Variants in KITLG observed in about 807,000 individuals in gnomAD.
KITLG encodes KIT ligand.
In KITLG, 13 loss-of-function variants were observed where a neutral mutation model predicts 34.1. The ratio of observed to expected loss-of-function variants is 0.38; its 90% CI spans 0.25 to 0.61. The LOEUF (loss-of-function observed/expected upper bound fraction) is 0.61, where lower values mean the gene tolerates loss of function less well. KITLG is among the 20% of genes least tolerant of loss of function. The pLI is 0.60. For missense variants in KITLG, 292 were observed against 318.9 expected (o/e 0.92, Z 0.64); for synonymous variants, 110 against 104.0 (o/e 1.06, Z -0.35).
In KITLG at chr12:88,509,733, G is replaced by A. The variant is rs116663938; in HGVS notation, c.605-2596C>T. Among the ~76,000 whole-genome samples the A allele has an allele frequency of 6.1e-3, 925 of 152,230 alleles. 7 individuals are homozygous for A. The highest frequency in any genetic ancestry group is 0.021 in the African/African-American group (864 of 41,548). On this transcript the variant is annotated intron_variant, in intron 6 of 9. Coordinates refer to ENST00000644744, the MANE Select transcript of KITLG (RefSeq NM_000899.5). ...CTTTTTTTATTTCACTTGTTCATGC[G>A]TGGGGCTTAAGAACCAGGCCTTTGG...
intron 1 of KITLG, among the ~76,000 whole-genome samples, chr12:88,551,338 C>G (rs1870906429): frequency 6.6e-6 from 1 of 152,134 alleles, no homozygotes; most frequent in African/African-American, 2.4e-5. Context: ...GCAGAGCTTA[C>G]TTCTTTATAT....
At chr12:88,499,226 A>G (rs1868760979) in intron 9 of KITLG, among the ~76,000 whole-genome samples, 3 of 152,176 alleles carry the variant, frequency 2.0e-5, no homozygotes, top group Admixed American at 6.5e-5. Flanking sequence ...TTTACAATGT[A>G]TCTACAGAAA....
At chr12:88,507,741 G>T (rs774924111) in intron 6 of KITLG, among the ~76,000 whole-genome samples, 1 of 152,146 alleles carries the variant, frequency 6.6e-6, no homozygotes, top group South Asian at 2.1e-4. Context: ...ATGTTGGAAA[G>T]CTTAAGACTA....
chr12:88,552,296 T>G (rs941660817), intron 1 of KITLG, among the ~76,000 whole-genome samples: 1 of 151,408 alleles, frequency 6.6e-6, no homozygotes, highest in Non-Finnish European at 1.5e-5. Context: ...TGCCTCAGCC[T>G]CCCAAGTAGC....
At chr12:88,579,117 T>A (rs1209725485) in intron 1 of KITLG, among the ~76,000 whole-genome samples, 1 of 152,184 alleles carries the variant, frequency 6.6e-6, no homozygotes, top group East Asian at 1.9e-4. Flanking sequence ...GTCTTGCAAC[T>A]TTTTGCAGGC....
chr12:88,561,862 T>C (rs1454647578), intron 1 of KITLG, among the ~76,000 whole-genome samples: 1 of 152,214 alleles, frequency 6.6e-6, no homozygotes, highest in East Asian at 1.9e-4. Flanking sequence ...GCTTTGCCAA[T>C]GGCAAGTTGT....
At chr12:88,550,885 T>C (rs1870890855) in intron 1 of KITLG, among the ~76,000 whole-genome samples, 1 of 152,244 alleles carries the variant, frequency 6.6e-6, no homozygotes, top group Non-Finnish European at 1.5e-5. Context: ...TTTTAATATA[T>C]GTCCTTTGAT....
intron 2 of KITLG, among the ~76,000 whole-genome samples, chr12:88,534,108 G>A (rs1474803169): frequency 2.0e-5 from 3 of 152,194 alleles, no homozygotes; most frequent in Middle Eastern, 3.4e-3. Flanking sequence ...CTCAGATCCC[G>A]CTGACATATT....
chr12:88,560,117 T>C (rs1278226136), intron 1 of KITLG, among the ~76,000 whole-genome samples: 5 of 152,230 alleles, frequency 3.3e-5, no homozygotes, highest in Non-Finnish European at 7.3e-5. Context: ...TGATAACATG[T>C]TTTTGCAGTT....
At chr12:88,558,374 C>A (rs1871171755) in intron 1 of KITLG, among the ~76,000 whole-genome samples, 2 of 151,956 alleles carry the variant, frequency 1.3e-5, no homozygotes, top group African/African-American at 2.4e-5. Context: ...TAAACTAAAT[C>A]TTTATACTCT....
intron 1 of KITLG, among the ~76,000 whole-genome samples, chr12:88,561,952 TATCAC>T (rs3057319): frequency 0.99 from 150,325 of 152,120 alleles, 74,278 homozygotes; most frequent in East Asian, 1. Context: ...GAGCACCTCT[TATCAC>T]ATCACATCAC....
chr12:88,549,483 A>G (rs1870823018), intron 1 of KITLG, among the ~76,000 whole-genome samples: 1 of 152,210 alleles, frequency 6.6e-6, no homozygotes, highest in Non-Finnish European at 1.5e-5. Flanking sequence ...AGGCTGAACC[A>G]TGAGAATTTC....
At chr12:88,541,852 G>GCT in intron 2 of KITLG, among the ~76,000 whole-genome samples, 2 of 152,168 alleles carry the variant, frequency 1.3e-5, no homozygotes, top group African/African-American at 4.8e-5. Flanking sequence ...ATAAATCATG[G>GCT]GCTTCTGTGA....
intron 1 of KITLG, among the ~76,000 whole-genome samples, chr12:88,578,874 T>C (rs1871916691): frequency 6.6e-6 from 1 of 152,246 alleles, no homozygotes; most frequent in Admixed American, 6.5e-5. Flanking sequence ...GAGATTACAA[T>C]AAAACTTTTC....
intron 8 of KITLG, 141 bp downstream of exon 8, chr12:88,506,168 GAA>G: frequency 2.9e-6 from 2 of 683,816 alleles, no homozygotes; most frequent in Non-Finnish European, 5.4e-6. Context: ...TGAGACATCA[GAA>G]ACATGGATAG....
chr12:88,547,048 T>C (rs1870744536), intron 1 of KITLG, among the ~76,000 whole-genome samples: 1 of 152,040 alleles, frequency 6.6e-6, no homozygotes, highest in Non-Finnish European at 1.5e-5. Context: ...CCAGGAAAAA[T>C]AAACAGCATG....
intron 1 of KITLG, among the ~76,000 whole-genome samples, chr12:88,569,319 T>G (rs1871564453): frequency 2.6e-5 from 4 of 152,160 alleles, no homozygotes; most frequent in Admixed American, 2.6e-4. Context: ...CAGTTTTTGT[T>G]TTAAAAAAAG....
Position 88,545,772 on chromosome 12 carries a change from C to T in KITLG, c.109G>A (p.Val37Ile). The T allele has an allele frequency of 1.2e-6, 2 of 1,600,570 alleles. No individual in the cohort carries two copies. Residue 37 changes from valine (V) to isoleucine (I), a missense_variant, in exon 2 of 10, where the codon GTA (valine) becomes ATA (isoleucine). Around this residue, in one of 2 missense-constraint regions of KITLG, gnomAD observed 152 missense variants for 207.9 expected, o/e 0.73. Transcript: ENST00000644744. Reference sequence around the variant, plus strand: ...CTTACCAATTTAGTGACGTCTTTTACATTATTAGTCACACGATTCCTGCAG... The same window carrying T: ...CTTACCAATTTAGTGACGTCTTTTATATTATTAGTCACACGATTCCTGCAG... ...GICRNRVTNN[V>I]KDVTKLVANL...
intron 1 of KITLG, among the ~76,000 whole-genome samples, chr12:88,564,585 A>AGC (rs1871387051): frequency 1.3e-5 from 2 of 152,170 alleles, no homozygotes; most frequent in South Asian, 2.1e-4. Flanking sequence ...TTTGTGTGTT[A>AGC]TCTCCTCTTC....
Sources: gnomAD v4.1 joint callset for allele counts (sites outside exome capture counted in the v4.1 genomes callset) on GRCh38, gnomAD v4.1.1 for gene constraint, gnomAD v4.1.1 regional missense constraint, MANE v1.5 for transcripts, NCBI Gene and HGNC (gene_info 2026-07-23, HGNC 2026-07-21) for gene names.